Variants in ASH1L observed in about 807,000 individuals in gnomAD.
The protein encoded by ASH1L is ASH1 like histone lysine methyltransferase.
In ASH1L, 23 loss-of-function variants were observed where a neutral mutation model predicts 269.0. The observed-to-expected ratio is 0.09, with a 90% CI of 0.06 to 0.12. ASH1L has a LOEUF of 0.12. Among genes scored for constraint, ASH1L ranks in the 10% least tolerant of loss-of-function variants. ASH1L has a pLI of 1.00. For synonymous variants in ASH1L, 1,187 were observed against 1,253.5 expected, an observed-to-expected ratio of 0.95 and a Z score of 1.12; for missense variants, 2,912 against 3,567.8, an observed-to-expected ratio of 0.82 and a Z score of 4.68.
rs1443653124 is a variant in ASH1L, at chr1:155,521,577, TA to T, written c.-59del. 1 of 1,494,142 alleles carries T rather than the reference TA, an allele frequency of 6.7e-7. No homozygotes were observed. The highest frequency in any genetic ancestry group is 2.2e-5 in the Admixed American group (1 of 45,758). The allele number at this position is 1,494,142 out of a possible 1,614,324, so 92.6% of individuals were successfully genotyped here. A position where few individuals can be genotyped will look rare whatever the true frequency, so the allele number is the denominator to read the frequency against. On this transcript the variant is annotated 5_prime_UTR_variant, in exon 2 of 28. An upstream open reading frame in the 5' UTR loses its in-frame stop. Transcript: ENST00000392403. ...GAAAATTTTACAGAACTGTGTTCCA[TA>T]AAAAACAAGGATCTCCAAAACTCGA...
Position 155,480,681 on chromosome 1 carries a change from G to C in ASH1L, c.2189C>G (p.Ser730Cys). The C allele has an allele frequency of 6.2e-7, 1 of 1,613,690 alleles. No individual in the cohort carries two copies. Among genetic ancestry groups the C allele is most frequent in the Non-Finnish European group, 8.5e-7 (1 of 1,179,926 alleles). ...TKVVARSTCR[S>C]PKGLELERSE... Reference sequence around the variant, plus strand: ...TCTTTCTAATTCTAGCCCTTTTGGAGACCGGCATGTGCTTCTTGCCACCAC... The same window carrying C: ...TCTTTCTAATTCTAGCCCTTTTGGACACCGGCATGTGCTTCTTGCCACCAC... Residue 730 changes from serine (S) to cysteine (C), a missense_variant, in exon 3 of 28, where the codon TCT becomes TGT. By Grantham distance (112) the Ser-to-Cys change is moderately radical. Coordinates refer to ENST00000392403, the MANE Select transcript of ASH1L (RefSeq NM_018489.3).
At chr1:155,529,351 C>CT (rs35984917) in intron 1 of ASH1L, among the ~76,000 whole-genome samples, 4,687 of 134,006 alleles carry the variant, frequency 0.035, 89 homozygotes, top group African/African-American at 0.062. Flanking sequence ...TTGCCAGCAT[C>CT]TTTTTTTTTT....
intron 2 of ASH1L, among the ~76,000 whole-genome samples, chr1:155,517,449 T>C (rs1668567687): frequency 6.6e-6 from 1 of 152,018 alleles, no homozygotes; most frequent in African/African-American, 2.4e-5. Flanking sequence ...GCCAACATGG[T>C]GAAACCCTGT....
In ASH1L at chr1:155,562,437, G is replaced by GGCGGCGGCAGCA. The variant is rs1405967599; in HGVS notation, c.-396_-385dup. On this transcript the variant is annotated 5_prime_UTR_variant, in exon 1 of 28. Coordinates refer to ENST00000392403, the MANE Select transcript of ASH1L (RefSeq NM_018489.3). ...AAATGGCGGCGGGAGCGGCGGCGGC[G>GGCGGCGGCAGCA]GCGGCGGCAGCAGCAGAGTGGCGGC... 1 of 1,470,948 alleles carries GGCGGCGGCAGCA rather than the reference G, an allele frequency of 6.8e-7. No homozygotes were observed. Among genetic ancestry groups the GGCGGCGGCAGCA allele is most frequent in the Non-Finnish European group, 9.2e-7 (1 of 1,085,764 alleles). The allele number at this position is 1,470,948 out of a possible 1,614,324, so 91.1% of individuals were successfully genotyped here. A position where few individuals can be genotyped will look rare whatever the true frequency, so the allele number is the denominator to read the frequency against.
chr1:155,482,332 G>A lies in ASH1L; in HGVS notation c.538C>T (p.Pro180Ser). The A allele has an allele frequency of 1.2e-6, 2 of 1,614,124 alleles. No homozygotes were observed. The highest frequency in any genetic ancestry group is 2.2e-5 in the South Asian group (2 of 91,082). Reference protein sequence around the residue: ...ENNPLSKKLSPVHSEMADYIN... With the variant: ...ENNPLSKKLSSVHSEMADYIN... ...TAATCTGCCATTTCTGAGTGTACTGGAGACAGCTTCTTAGACAAAGGATTG... is the reference window on the plus strand; with the variant it reads ...TAATCTGCCATTTCTGAGTGTACTGAAGACAGCTTCTTAGACAAAGGATTG... Residue 180 changes from proline (P) to serine (S), a missense_variant, in exon 3 of 28, where the codon CCA becomes TCA. Transcript: ENST00000392403.
intron 1 of ASH1L, among the ~76,000 whole-genome samples, chr1:155,545,012 A>G (rs995880093): frequency 6.6e-6 from 1 of 151,380 alleles, no homozygotes; most frequent in African/African-American, 2.4e-5. Context: ...GTCTCTACTA[A>G]AAATACAAAA....
intron 4 of ASH1L, among the ~76,000 whole-genome samples, chr1:155,448,134 T>C (rs1663171909): frequency 6.6e-6 from 1 of 152,218 alleles, no homozygotes; most frequent in Admixed American, 6.5e-5. Flanking sequence ...CTTGGGACCT[T>C]TGTCAAAAAT....
At chr1:155,535,853 C>T (rs1670017760) in intron 1 of ASH1L, among the ~76,000 whole-genome samples, 1 of 151,920 alleles carries the variant, frequency 6.6e-6, no homozygotes, top group African/African-American at 2.4e-5. Context: ...ACAAAATTAG[C>T]CAGGCGTGGT....
chr1:155,545,175 CAAAAAAAAAAAAAAAAAAA>C (rs10624841), intron 1 of ASH1L, among the ~76,000 whole-genome samples: 1 of 21,768 alleles, frequency 4.6e-5, no homozygotes, highest in African/African-American at 2.2e-4. Context: ...TCCATCTCAC[CAAAAAAAAAAAAAAAAAAA>C]AAAAAAAAAA....
intron 14 of ASH1L, 54 bp downstream of exon 14, chr1:155,357,531 C>G (rs1438069458): frequency 3.7e-6 from 6 of 1,608,466 alleles, no homozygotes; most frequent in Non-Finnish European, 5.1e-6. Context: ...CCAGCAATTG[C>G]CTCAAAGCAT....
At chr1:155,394,182 T>C (rs945932464) in intron 7 of ASH1L, among the ~76,000 whole-genome samples, 1 of 152,056 alleles carries the variant, frequency 6.6e-6, no homozygotes, top group Non-Finnish European at 1.5e-5. Context: ...TTTCAGGCAA[T>C]GGGAATAACA....
In ASH1L at chr1:155,337,640, A is replaced by C; in HGVS notation, c.*20T>G. Reference sequence around the variant, plus strand: ...AGCTCCACTGGATCCCAGATGCTTGAGGTTCTCATTCTTTGAGGGTCACTT... The same window carrying C: ...AGCTCCACTGGATCCCAGATGCTTGCGGTTCTCATTCTTTGAGGGTCACTT... On this transcript the variant is annotated 3_prime_UTR_variant, in exon 28 of 28. Coordinates refer to ENST00000392403, the MANE Select transcript of ASH1L (RefSeq NM_018489.3). The C allele has an allele frequency of 6.2e-7, 1 of 1,604,198 alleles. No individual in the cohort carries two copies. The highest frequency in any genetic ancestry group is 1.7e-5 in the Admixed American group (1 of 59,958).
intron 20 of ASH1L, among the ~76,000 whole-genome samples, chr1:155,347,188 C>T (rs1653423223): frequency 6.6e-6 from 1 of 152,172 alleles, no homozygotes; most frequent in Admixed American, 6.5e-5. Context: ...CACTTGAGCT[C>T]AGGAGTTCAA....
chr1:155,515,848 A>AAAAAAAATGCATGGCCC (rs1170062924), intron 2 of ASH1L, among the ~76,000 whole-genome samples: 1 of 151,706 alleles, frequency 6.6e-6, no homozygotes, highest in Non-Finnish European at 1.5e-5. Context: ...AAAAAAAAAA[A>AAAAAAAATGCATGGCCC]AAAAAAATGC....
chr1:155,532,561 C>A (rs898871692), intron 1 of ASH1L, among the ~76,000 whole-genome samples: 3 of 151,966 alleles, frequency 2.0e-5, no homozygotes, highest in African/African-American at 7.2e-5. Flanking sequence ...GTTGCTCATG[C>A]CTATAAATCC....
chr1:155,378,780 C>G (rs1656689259), intron 8 of ASH1L, among the ~76,000 whole-genome samples: 1 of 152,112 alleles, frequency 6.6e-6, no homozygotes, highest in Admixed American at 6.5e-5. Flanking sequence ...ATAGTTTATA[C>G]AAGTGGAATT....
chr1:155,372,984 AG>A (rs764422234), intron 10 of ASH1L, among the ~76,000 whole-genome samples: 135 of 152,130 alleles, frequency 8.9e-4, no homozygotes, highest in Non-Finnish European at 5.0e-4. Flanking sequence ...GGGCAGAGGC[AG>A]GAGGATCATG....
In ASH1L at chr1:155,409,750, G is replaced by A. The variant is rs528395362; in HGVS notation, c.6008+5994C>T. 7.3e-4 allele frequency among the ~76,000 whole-genome samples: 111 copies of A among 152,208 alleles called. 3 individuals carry two copies. In the South Asian group the frequency reaches 0.022, roughly 30 times the overall value. ...CAAAATGTTGAGATTACAGGCATAA[G>A]CCATCTTTCCCAGGCCTCTGCCAAG... On this transcript the variant is annotated intron_variant, in intron 6 of 27. Transcript: ENST00000392403.
chr1:155,349,950 C>T (rs1222382399), intron 17 of ASH1L, among the ~76,000 whole-genome samples: 14 of 144,046 alleles, frequency 9.7e-5, no homozygotes, highest in South Asian at 4.3e-4. Context: ...AGTGCAGTGG[C>T]GTGATCTTTG....
Sources: allele counts gnomAD v4.1 joint callset (sites outside exome capture counted in the v4.1 genomes callset), GRCh38; gene constraint gnomAD v4.1.1; transcripts MANE v1.5; gene names NCBI Gene and HGNC (gene_info 2026-07-23, HGNC 2026-07-21).